REEP1: variants seen among roughly 807,000 people sequenced by gnomAD.
REEP1 encodes the protein receptor accessory protein 1, also known as receptor expression-enhancing protein 1.
REEP1 carries 22 observed loss-of-function variants against 40.3 expected under a neutral mutation model. The observed-to-expected ratio is 0.55, with a 90% CI of 0.39 to 0.78. The LOEUF (loss-of-function observed/expected upper bound fraction) is 0.78. REEP1 is among the 30% of genes least tolerant of loss of function. REEP1 has a pLI of 0.00. For synonymous variants in REEP1, 116 were observed against 139.2 expected, an observed-to-expected ratio of 0.83 and a Z score of 1.17; for missense variants, 280 against 361.1, an observed-to-expected ratio of 0.78 and a Z score of 1.82.
At chr2:86,281,928 AT>A (rs1678116418) in intron 2 of REEP1, among the ~76,000 whole-genome samples, 1 of 152,176 alleles carries the variant, frequency 6.6e-6, no homozygotes, top group Non-Finnish European at 1.5e-5. Context: ...GAAACCTCCA[AT>A]TCCAGATGCC....
intron 1 of REEP1, among the ~76,000 whole-genome samples, chr2:86,318,395 CTTTTCTTTTT>C (rs1680127041): frequency 7.9e-6 from 1 of 126,320 alleles, no homozygotes; most frequent in Non-Finnish European, 1.7e-5. Context: ...CTTTTCTTTT[CTTTTCTTTTT>C]TTTTTTTTTT....
chr2:86,329,688 C>A (rs1680674971), intron 1 of REEP1, among the ~76,000 whole-genome samples: 1 of 152,096 alleles, frequency 6.6e-6, no homozygotes, highest in African/African-American at 2.4e-5. Context: ...TGCAGATTCA[C>A]CAGGCCTGGG....
At chr2:86,337,747 G>T, upstream of REEP1, 1 of 828,606 alleles carries the variant, frequency 1.2e-6, no homozygotes, top group Non-Finnish European at 1.5e-6. This position sits in a 1 kb window ranked among gnomAD's most constrained non-coding sequence, Gnocchi z 5.8. Context: ...TGGGCGGTGA[G>T]CTGGTCAGGG....
chr2:86,270,241 G>C (rs1677366544), intron 2 of REEP1, among the ~76,000 whole-genome samples: 1 of 152,170 alleles, frequency 6.6e-6, no homozygotes, highest in South Asian at 2.1e-4. Flanking sequence ...TTGTTGCCCA[G>C]GCTGGAGTGC....
At chr2:86,310,514 G>A (rs1221888999) in intron 1 of REEP1, among the ~76,000 whole-genome samples, 1 of 152,084 alleles carries the variant, frequency 6.6e-6, no homozygotes, top group Non-Finnish European at 1.5e-5. Flanking sequence ...ATCATCTAGT[G>A]ACACAGTTCT....
intron 4 of REEP1, 52 bp from the exon 5 acceptor site, chr2:86,252,122 C>CT (rs1284658244): frequency 7.9e-7 from 1 of 1,260,492 alleles, no homozygotes; most frequent in Non-Finnish European, 1.2e-6. Flanking sequence ...AAACACATCT[C>CT]TGTTTTCTTT....
At chr2:86,330,284 C>T (rs994521707) in intron 1 of REEP1, among the ~76,000 whole-genome samples, 9 of 152,196 alleles carry the variant, frequency 5.9e-5, no homozygotes, top group East Asian at 5.8e-4. Flanking sequence ...TAGGGCTGTT[C>T]TTTAGTGAGG....
At chr2:86,226,075 T>TCACCAC (rs70956105) in intron 7 of REEP1, among the ~76,000 whole-genome samples, 8,652 of 111,764 alleles carry the variant, frequency 0.077, 546 homozygotes, top group Non-Finnish European at 0.094. Flanking sequence ...CTCCAGGCTA[T>TCACCAC]CACCACCACC....
intron 5 of REEP1, among the ~76,000 whole-genome samples, chr2:86,242,739 G>T (rs1055517722): frequency 6.6e-6 from 1 of 152,128 alleles, no homozygotes; most frequent in African/African-American, 2.4e-5. Flanking sequence ...GATCAGGGTC[G>T]GACTGTACAG....
chr2:86,219,453 T>TC (rs1179256484), intron 8 of REEP1, among the ~76,000 whole-genome samples: 5 of 64,276 alleles, frequency 7.8e-5, no homozygotes, highest in Non-Finnish European at 1.9e-4. Flanking sequence ...TTTCTTTTCT[T>TC]TTTTTTTTTT....
chr2:86,319,501 C>T (rs139134284), intron 1 of REEP1, among the ~76,000 whole-genome samples: 2,035 of 152,266 alleles, frequency 0.013, 48 homozygotes, highest in African/African-American at 0.046. Flanking sequence ...TCGAGACCAG[C>T]CTGGCCAACA....
In REEP1 at chr2:86,251,805, G is replaced by C. The variant is rs1676288816; in HGVS notation, c.417+152C>G. 48 of 733,992 alleles carry C rather than the reference G, an allele frequency of 6.5e-5. No homozygotes were observed. The South Asian group carries it at 6.6e-4, about 10-fold the overall frequency. 45.5% of individuals were successfully genotyped at this position (733,992 alleles called of 1,614,324 possible). ...TGAGAATTTTCTGGGGCAAGATTCA[G>C]CATTTTTTTCCATCAGATTTTCAAA... On this transcript the variant is annotated intron_variant, in intron 5 of 8. Coordinates refer to ENST00000538924, the MANE Select transcript of REEP1 (RefSeq NM_001371279.1).
intron 1 of REEP1, among the ~76,000 whole-genome samples, chr2:86,292,387 A>G (rs918280082): frequency 3.9e-5 from 6 of 152,216 alleles, no homozygotes; most frequent in African/African-American, 1.4e-4. Flanking sequence ...TGTGCTGAGC[A>G]CCTACTGTGT....
chr2:86,272,182 A>G (rs1558904861), intron 2 of REEP1, among the ~76,000 whole-genome samples: 1 of 152,230 alleles, frequency 6.6e-6, no homozygotes, highest in Non-Finnish European at 1.5e-5. Context: ...AGAGCACGCC[A>G]CTGCACTCCA....
intron 5 of REEP1, among the ~76,000 whole-genome samples, chr2:86,246,895 T>G (rs7340360): frequency 0.011 from 1,717 of 152,208 alleles, 35 homozygotes; most frequent in African/African-American, 0.039. Context: ...GAGACAGGGT[T>G]TCTCCATGTT....
rs535296094 is a variant in REEP1 at position 86,245,652 on chromosome 2, C to T, written c.417+6305G>A. ...TGCAGCCTCCATTTTGCAACTGGCC[C>T]CCTGGCTCCCACCTTTAGGAACTCT... On this transcript the variant is annotated intron_variant, in intron 5 of 8. Coordinates refer to ENST00000538924, the MANE Select transcript of REEP1 (RefSeq NM_001371279.1). Among the ~76,000 whole-genome samples the T allele has an allele frequency of 4.6e-5, 7 of 152,218 alleles. No homozygotes were observed. The East Asian group carries it at 1.2e-3, about 25-fold the overall frequency.
At chr2:86,226,102 C>CCACCATCAT (rs951348757) in intron 7 of REEP1, among the ~76,000 whole-genome samples, 2 of 146,366 alleles carry the variant, frequency 1.4e-5, no homozygotes, top group African/African-American at 5.1e-5. Context: ...ACCACCACCA[C>CCACCATCAT]CACCACCACC....
chr2:86,262,326 G>A (rs982881947), intron 3 of REEP1, among the ~76,000 whole-genome samples: 1 of 152,156 alleles, frequency 6.6e-6, no homozygotes, highest in Non-Finnish European at 1.5e-5. Context: ...TCAAGGTCTC[G>A]GGGAGACAAG....
At chr2:86,285,099 G>A (rs571045424) in intron 1 of REEP1, among the ~76,000 whole-genome samples, 23 of 152,294 alleles carry the variant, frequency 1.5e-4, no homozygotes, top group East Asian at 5.8e-4. Context: ...CTTCTCCACC[G>A]GCCTCACTGG....
Sources: gnomAD v4.1 joint callset for allele counts (sites outside exome capture counted in the v4.1 genomes callset) on GRCh38, gnomAD v4.1.1 for gene constraint, Gnocchi (gnomAD v3.1) non-coding constraint, MANE v1.5 for transcripts, NCBI Gene and HGNC (gene_info 2026-07-23, HGNC 2026-07-21) for gene names.